The following KCNMB2 variants were observed in gnomAD, a reference collection of about 807,000 sequenced individuals.
The protein encoded by KCNMB2 is potassium calcium-activated channel subfamily M regulatory beta subunit 2.
KCNMB2 carries 9 observed loss-of-function variants against 24.5 expected under a neutral mutation model. The observed-to-expected ratio is 0.37, with a 90% CI of 0.22 to 0.64. KCNMB2 has a LOEUF of 0.64. Ranked by LOEUF, KCNMB2 falls within the 30% of genes least tolerant of loss-of-function variation. KCNMB2 has a pLI of 0.63. For synonymous variants in KCNMB2, 109 were observed against 104.4 expected (o/e 1.04, Z -0.27); for missense variants, 226 against 284.3 (o/e 0.79, Z 1.47).
At chr3:178,614,277 A>ATG (rs1254264851) in intron 1 of KCNMB2, among the ~76,000 whole-genome samples, 4 of 101,334 alleles carry the variant, frequency 3.9e-5, no homozygotes, top group East Asian at 3.0e-4. Context: ...ATATATATAT[A>ATG]TATATATATA....
At chr3:178,821,520 CA>C (rs1212322459) in intron 2 of KCNMB2, among the ~76,000 whole-genome samples, 1 of 152,012 alleles carries the variant, frequency 6.6e-6, no homozygotes, top group Non-Finnish European at 1.5e-5. Context: ...AGCAATGACC[CA>C]AAAAACAGAG....
At chr3:178,740,619 T>C (rs1379031639) in intron 1 of KCNMB2, among the ~76,000 whole-genome samples, 1 of 152,250 alleles carries the variant, frequency 6.6e-6, no homozygotes, top group African/African-American at 2.4e-5. Context: ...GGAAGCCTAC[T>C]TGTGCTCTGT....
rs946268490 is a variant in KCNMB2, at chr3:178,766,612, T to C, written c.-67-40731T>C. ...ATTTTGTTATTTAACTTCGTGCATATTTCTGATATGCCTTCCCAACTAGAT... is the reference window on the plus strand; with the variant it reads ...ATTTTGTTATTTAACTTCGTGCATACTTCTGATATGCCTTCCCAACTAGAT... On this transcript the variant is annotated intron_variant, in intron 1 of 4. Transcript: ENST00000452583. 5.3e-5 allele frequency among the ~76,000 whole-genome samples: 8 copies of C among 152,358 alleles called. No individual in the cohort carries two copies. The East Asian group carries it at 1.2e-3, about 22-fold the overall frequency.
intron 1 of KCNMB2, among the ~76,000 whole-genome samples, chr3:178,664,459 T>A (rs183868946): frequency 2.0e-5 from 3 of 152,216 alleles, no homozygotes; most frequent in Admixed American, 1.3e-4. Context: ...CACTCCTCTT[T>A]GCTACACTAT....
rs73045973 is a variant in KCNMB2 at position 178,687,460 on chromosome 3, A to G, written c.-67-119883A>G. On this transcript the variant is annotated intron_variant, in intron 1 of 4. Coordinates refer to ENST00000452583, the MANE Select transcript of KCNMB2 (RefSeq NM_181361.3). ...TAGCTTTTAAACAAAGACTTTTGCA[A>G]AGATAGCATGAGAAAAACATATCCA... Among the ~76,000 whole-genome samples, 253 of 152,204 alleles carry G rather than the reference A, an allele frequency of 1.7e-3. 1 individual carries two copies. The highest frequency in any genetic ancestry group is 5.8e-3 in the African/African-American group (242 of 41,576).
At chr3:178,683,283 G>T (rs1721338695) in intron 1 of KCNMB2, among the ~76,000 whole-genome samples, 1 of 151,614 alleles carries the variant, frequency 6.6e-6, no homozygotes, top group Non-Finnish European at 1.5e-5. Context: ...GATACTTGAG[G>T]ACATAAAAAT....
At chr3:178,706,823 T>C (rs1722293066) in intron 1 of KCNMB2, among the ~76,000 whole-genome samples, 1 of 152,108 alleles carries the variant, frequency 6.6e-6, no homozygotes, top group South Asian at 2.1e-4. Context: ...CCAAAGAAGC[T>C]TTACAGTTAG....
At chr3:178,663,520 T>C (rs562794959) in intron 1 of KCNMB2, among the ~76,000 whole-genome samples, 48 of 152,244 alleles carry the variant, frequency 3.2e-4, no homozygotes, top group African/African-American at 1.2e-3. Flanking sequence ...CCTAATCTCA[T>C]CTCCAAATGA....
intron 1 of KCNMB2, among the ~76,000 whole-genome samples, chr3:178,778,436 C>T (rs1208825943): frequency 8.1e-6 from 1 of 124,222 alleles, no homozygotes; most frequent in Non-Finnish European, 1.8e-5. Context: ...ATATATTATG[C>T]CTGATTTCTA....
At chr3:178,706,932 A>G (rs139074567) in intron 1 of KCNMB2, among the ~76,000 whole-genome samples, 1,754 of 152,296 alleles carry the variant, frequency 0.012, 25 homozygotes, top group African/African-American at 0.039. Flanking sequence ...TGGGTGCAGC[A>G]AACCACCATG....
chr3:178,745,329 G>A (rs1257965378), intron 1 of KCNMB2, among the ~76,000 whole-genome samples: 1 of 152,148 alleles, frequency 6.6e-6, no homozygotes, highest in East Asian at 1.9e-4. Context: ...ACTCGTATAG[G>A]AGAACTCCCC....
chr3:178,703,359 G>A lies in KCNMB2; in HGVS notation c.-67-103984G>A, dbSNP rs377686225. 4.7e-4 allele frequency among the ~76,000 whole-genome samples: 71 copies of A among 152,144 alleles called. No individual in the cohort carries two copies. The South Asian group carries it at 0.014, about 30-fold the overall frequency. Reference sequence around the variant, plus strand: ...TTTCCACCATTCCATTATTCCCAAGGCTTTTTAGAAAAACAGAAGTGGCTA... The same window carrying A: ...TTTCCACCATTCCATTATTCCCAAGACTTTTTAGAAAAACAGAAGTGGCTA... On this transcript the variant is annotated intron_variant, in intron 1 of 4. Coordinates refer to ENST00000452583, the MANE Select transcript of KCNMB2 (RefSeq NM_181361.3).
intron 1 of KCNMB2, among the ~76,000 whole-genome samples, chr3:178,695,131 T>C (rs983840891): frequency 1.3e-5 from 2 of 152,256 alleles, no homozygotes; most frequent in African/African-American, 2.4e-5. Context: ...CACATGGAAG[T>C]TGCCAGGGCT....
chr3:178,670,115 T>C (rs1007171533), intron 1 of KCNMB2, among the ~76,000 whole-genome samples: 14 of 152,210 alleles, frequency 9.2e-5, no homozygotes, highest in African/African-American at 3.1e-4. Flanking sequence ...TTACCACTTA[T>C]TGAGCCAGAA....
intron 1 of KCNMB2, among the ~76,000 whole-genome samples, chr3:178,736,535 G>A (rs907221430): frequency 5.3e-5 from 8 of 152,118 alleles, no homozygotes; most frequent in Admixed American, 3.9e-4. Flanking sequence ...CTGACACAGC[G>A]CCAGGGGCAC....
intron 1 of KCNMB2, among the ~76,000 whole-genome samples, chr3:178,797,575 G>T (rs560229469): frequency 6.6e-6 from 1 of 152,072 alleles, no homozygotes; most frequent in Non-Finnish European, 1.5e-5. Flanking sequence ...TTCAACATAC[G>T]CAAATCAATC....
At chr3:178,721,036 T>G (rs1038848648) in intron 1 of KCNMB2, among the ~76,000 whole-genome samples, 5 of 152,118 alleles carry the variant, frequency 3.3e-5, no homozygotes, top group South Asian at 2.1e-4. Flanking sequence ...GTTTTAGACA[T>G]GAAGTCCTTG....
At chr3:178,709,114 A>G (rs1480688953) in intron 1 of KCNMB2, among the ~76,000 whole-genome samples, 1 of 152,192 alleles carries the variant, frequency 6.6e-6, no homozygotes, top group Non-Finnish European at 1.5e-5. Flanking sequence ...GTCTCTGCAA[A>G]TTCCCAAAGA....
intron 1 of KCNMB2, among the ~76,000 whole-genome samples, chr3:178,540,051 T>C (rs1327439844): frequency 6.6e-6 from 1 of 152,180 alleles, no homozygotes; most frequent in Non-Finnish European, 1.5e-5. Context: ...CTTAAATGTC[T>C]ACAGGCATCT....
Sources: gnomAD v4.1 joint callset for allele counts (sites outside exome capture counted in the v4.1 genomes callset) on GRCh38, gnomAD v4.1.1 for gene constraint, MANE v1.5 for transcripts, NCBI Gene and HGNC (gene_info 2026-07-23, HGNC 2026-07-21) for gene names.